The following FBXO27 variants were observed in gnomAD, a reference collection of about 807,000 sequenced individuals.
FBXO27 encodes the protein F-box protein 27.
FBXO27 carries 28 observed loss-of-function variants against 28.3 expected under a neutral mutation model. The observed-to-expected ratio is 0.99, with a 90% CI of 0.73 to 1.36. The LOEUF (loss-of-function observed/expected upper bound fraction) is 1.36. FBXO27 is among the 40% of genes most tolerant of loss of function. FBXO27 has a pLI of 0.00. For synonymous variants in FBXO27, 175 were observed against 167.3 expected, an observed-to-expected ratio of 1.05 and a Z score of -0.36; for missense variants, 388 against 394.1, an observed-to-expected ratio of 0.98 and a Z score of 0.13.
chr19:39,026,310 CCAGCCACCAA>C (rs2144898847), intron 5 of FBXO27, among the ~76,000 whole-genome samples: 1 of 152,094 alleles, frequency 6.6e-6, no homozygotes, highest in Admixed American at 6.6e-5. Context: ...AGATGTTTGG[CCAGCCACCAA>C]CAGCTACACA....
chr19:39,008,626 A>G (rs2072781403), intron 2 of FBXO27, among the ~76,000 whole-genome samples: 1 of 151,918 alleles, frequency 6.6e-6, no homozygotes, highest in Non-Finnish European at 1.5e-5. Context: ...ACCCCAAACA[A>G]TCCGTGTACC....
chr19:39,015,899 G>A (rs1050785680), intron 1 of FBXO27, among the ~76,000 whole-genome samples: 3 of 151,854 alleles, frequency 2.0e-5, no homozygotes, highest in Non-Finnish European at 4.4e-5. Flanking sequence ...GTAAAACCCC[G>A]TCTCAACTAA....
rs761254347 is a variant in FBXO27, at chr19:39,025,538, G to A, written c.725C>T (p.Ser242Phe). Reference sequence around the variant, plus strand: ...AAAGCGGACGCCCATCTTGATGTTGGAGAACACGTGGGTGACCTGTAGGCA... The same window carrying A: ...AAAGCGGACGCCCATCTTGATGTTGAAGAACACGTGGGTGACCTGTAGGCA... ...NACLHVTHVF[S>F]NIKMGVRFVS... The change falls in exon 6 of 6, where the codon TCC becomes TTC. Residue 242 changes from serine to phenylalanine, a missense_variant. By Grantham distance (155) the Ser-to-Phe change is radical (BLOSUM62 -2). Transcript: ENST00000292853. The A allele has an allele frequency of 6.2e-7, 1 of 1,613,962 alleles. No homozygotes were observed. The highest frequency in any genetic ancestry group is 8.5e-7 in the Non-Finnish European group (1 of 1,179,912).
At position 39,031,317 on chromosome 19, in the gene FBXO27, C is replaced by T. The variant is rs1474027158; in HGVS notation, c.368G>A (p.Gly123Asp). The change falls in exon 3 of 6, where the codon GGC (glycine) becomes GAC (aspartate). Residue 123 changes from glycine to aspartate, a missense_variant. By Grantham distance (94) the Gly-to-Asp change is moderately conservative. Coordinates refer to ENST00000292853, the MANE Select transcript of FBXO27 (RefSeq NM_178820.5). ...GTGTTGCACCATCCACTTTCGGAGG[C>T]CTTCTGTGAAATAAAAAAGGCTTGT... is the stretch of plus-strand genomic sequence containing the variant. ...NLIRNPCGQE[G>D]LRKWMVQHGG... is the part of the protein sequence containing the mutation. The T allele has an allele frequency of 6.2e-7, 1 of 1,613,740 alleles. No homozygotes were observed. Among genetic ancestry groups the T allele is most frequent in the Non-Finnish European group, 8.5e-7 (1 of 1,179,842 alleles).
At chr19:39,030,836 G>A (rs2072898030) in intron 4 of FBXO27, 193 bp downstream of exon 4, 1 of 624,460 alleles carries the variant, frequency 1.6e-6, no homozygotes, top group Non-Finnish European at 2.8e-6. Flanking sequence ...TCGAACTCCT[G>A]ACCTCAAGTG....
intron 2 of FBXO27, among the ~76,000 whole-genome samples, chr19:39,011,693 CGGG>C (rs869270068): frequency 2.0e-4 from 2 of 10,248 alleles, no homozygotes; most frequent in Non-Finnish European, 4.1e-4. Flanking sequence ...GAGATGGCGG[CGGG>C]GGAGGGGGGG....
chr19:39,028,222 C>T (rs1196899764), intron 4 of FBXO27, among the ~76,000 whole-genome samples: 1 of 151,710 alleles, frequency 6.6e-6, no homozygotes, highest in African/African-American at 2.4e-5. Context: ...TAGAGGGAGA[C>T]CCTGTCTCAA....
At position 39,025,477 on chromosome 19, in the gene FBXO27, G is replaced by C; in HGVS notation, c.786C>G (p.Phe262Leu). The C allele has an allele frequency of 1.2e-6, 2 of 1,614,154 alleles. No homozygotes were observed. The highest frequency in any genetic ancestry group is 1.7e-6 in the Non-Finnish European group (2 of 1,180,034). The part of the protein sequence containing the change: ...SFEHRGQDTQ[F>L]WAGHYGARVT... The stretch of plus-strand genomic sequence containing the variant: ...CACGGGCTCCATAGTGGCCAGCCCA[G>C]AACTGTGTGTCCTGGCCCCGGTGTT... The change falls in exon 6 of 6, where the codon TTC becomes TTG. Residue 262 changes from phenylalanine to leucine, a missense_variant. By Grantham distance (22) the Phe-to-Leu change is conservative (BLOSUM62 0). Coordinates refer to ENST00000292853, the MANE Select transcript of FBXO27 (RefSeq NM_178820.5).
downstream of FBXO27, among the ~76,000 whole-genome samples, chr19:39,021,027 G>A (rs2072843120): frequency 6.6e-6 from 1 of 152,006 alleles, no homozygotes; most frequent in Non-Finnish European, 1.5e-5. Context: ...GCTAATTTTT[G>A]TAGTTTCAGA....
chr19:39,029,956 C>T (rs944295926), intron 4 of FBXO27, among the ~76,000 whole-genome samples: 9 of 152,314 alleles, frequency 5.9e-5, no homozygotes, highest in African/African-American at 2.2e-4. Context: ...ATTCTCCTGC[C>T]TCAGCCTCCT....
In FBXO27 at chr19:39,025,514, A is replaced by G. The variant is rs1600227208; in HGVS notation, c.749T>C (p.Phe250Ser). Residue 250 changes from phenylalanine to serine, a missense_variant, in exon 6 of 6, where the codon TTT (phenylalanine) becomes TCT (serine). Coordinates refer to ENST00000292853, the MANE Select transcript of FBXO27 (RefSeq NM_178820.5). The part of the protein sequence containing the change: ...VFSNIKMGVR[F>S]VSFEHRGQDT... ...CTGGCCCCGGTGTTCGAAAGACACA[A>G]AGCGGACGCCCATCTTGATGTTGGA... is the stretch of plus-strand genomic sequence containing the variant. The G allele has an allele frequency of 1.2e-6, 2 of 1,614,160 alleles. No individual in the cohort carries two copies. Among genetic ancestry groups the G allele is most frequent in the East Asian group, 4.5e-5 (2 of 44,878 alleles).
At chr19:39,012,629 T>TTTC (rs113207407) in intron 2 of FBXO27, among the ~76,000 whole-genome samples, 12 of 151,042 alleles carry the variant, frequency 7.9e-5, no homozygotes, top group African/African-American at 2.2e-4. Flanking sequence ...AATTCTAAAT[T>TTTC]TTCTTCTTTT....
downstream of FBXO27, among the ~76,000 whole-genome samples, chr19:39,019,734 T>TTTTTGTTTGTTTG (rs538170594): frequency 5.9e-4 from 90 of 151,842 alleles, no homozygotes; most frequent in African/African-American, 1.9e-3. Flanking sequence ...TAAAGAGGGT[T>TTTTTGTTTGTTTG]TTTTGTTTGT....
In FBXO27 at chr19:39,032,344, G is replaced by T; in HGVS notation, c.-26-91C>A. 1.5e-6 allele frequency: 2 copies of T among 1,323,140 alleles called. No individual in the cohort carries two copies. The highest frequency in any genetic ancestry group is 1.9e-6 in the Non-Finnish European group (2 of 1,029,432). 82.0% of individuals were successfully genotyped at this position (1,323,140 alleles called of 1,614,324 possible). On this transcript the variant is annotated intron_variant, in intron 1 of 5. Coordinates refer to ENST00000292853, the MANE Select transcript of FBXO27 (RefSeq NM_178820.5). The surrounding 1 kb of genome is among the most constrained non-coding windows in gnomAD (Gnocchi z 4.7). Reference sequence around the variant, plus strand: ...CCCTGATTCTGCCAGCCGCACCCCCGTCTTCACCATCCCTGGGCCCCGTCC... The same window carrying T: ...CCCTGATTCTGCCAGCCGCACCCCCTTCTTCACCATCCCTGGGCCCCGTCC...
intron 4 of FBXO27, chr19:39,030,788 A>G: frequency 1.9e-6 from 1 of 525,238 alleles, no homozygotes; most frequent in Non-Finnish European, 3.4e-6. Flanking sequence ...TTGTATTTTT[A>G]GTAGAGACGA....
Position 39,032,065 on chromosome 19 carries a change from G to T in FBXO27, c.163C>A (p.Arg55=). The change falls in exon 2 of 6, where the codon CGG becomes AGG. Residue 55 remains arginine, a synonymous_variant. Coordinates refer to ENST00000292853, the MANE Select transcript of FBXO27 (RefSeq NM_178820.5). This position sits in a 1 kb window ranked among gnomAD's most constrained non-coding sequence, Gnocchi z 4.7. ...CCGTCCACCAGGGCTCGCCAGCCCC[G>T]GCACACTTGGCGGCAGCGCCCGAGC... ...TLLGRCRQVC[R]GWRALVDGQA... is the part of the protein sequence containing the mutation. 2.6e-6 allele frequency: 4 copies of T among 1,530,210 alleles called. No homozygotes were observed. The highest frequency in any genetic ancestry group is 2.7e-5 in the East Asian group (1 of 37,044). The allele number at this position is 1,530,210 out of a possible 1,614,324, so 94.8% of individuals were successfully genotyped here. A position where few individuals can be genotyped will look rare whatever the true frequency, so the allele number is the denominator to read the frequency against.
chr19:39,013,830 G>A (rs550726906), intron 2 of FBXO27, among the ~76,000 whole-genome samples: 10 of 151,806 alleles, frequency 6.6e-5, no homozygotes, highest in South Asian at 2.1e-4. Flanking sequence ...TGGCTAATAC[G>A]GTGAAACCCC....
At chr19:39,007,282 C>A (rs910715760) in intron 2 of FBXO27, among the ~76,000 whole-genome samples, 2 of 152,060 alleles carry the variant, frequency 1.3e-5, no homozygotes, top group African/African-American at 4.8e-5. Context: ...AGGGAATGCC[C>A]AAGGCAGTCA....
chr19:39,015,173 G>A (rs2072813784), intron 1 of FBXO27, among the ~76,000 whole-genome samples: 1 of 151,332 alleles, frequency 6.6e-6, no homozygotes, highest in African/African-American at 2.4e-5. Flanking sequence ...AAAAACATTA[G>A]TTGAATGTGG....
Sources: allele counts gnomAD v4.1 joint callset (sites outside exome capture counted in the v4.1 genomes callset), GRCh38; gene constraint gnomAD v4.1.1; non-coding constraint Gnocchi (gnomAD v3.1); transcripts MANE v1.5; gene names NCBI Gene and HGNC (gene_info 2026-07-23, HGNC 2026-07-21).